The following ZPBP variants were observed in gnomAD, a reference collection of about 807,000 sequenced individuals.
ZPBP encodes zona pellucida-binding protein 1.
In ZPBP, 26 loss-of-function variants were observed where a neutral mutation model predicts 44.8. That is an observed-to-expected ratio of 0.58 (90% CI 0.43 to 0.81). ZPBP has a LOEUF of 0.81. ZPBP is among the 30% of genes least tolerant of loss of function. The pLI is 0.00. For synonymous variants in ZPBP, 174 were observed against 153.2 expected, an observed-to-expected ratio of 1.14 and a Z score of -1.00; for missense variants, 409 against 434.0, an observed-to-expected ratio of 0.94 and a Z score of 0.51.
chr7:49,898,373 T>G (rs748082061), intron 2 of ZPBP, among the ~76,000 whole-genome samples: 27 of 152,080 alleles, frequency 1.8e-4, no homozygotes, highest in Non-Finnish European at 2.9e-4. Flanking sequence ...TTTCTTTATT[T>G]AGATATGGGT....
intron 2 of ZPBP, among the ~76,000 whole-genome samples, chr7:49,855,161 A>C (rs1790363266): frequency 1.3e-5 from 2 of 152,232 alleles, no homozygotes; most frequent in African/African-American, 4.8e-5. Context: ...CTTAATAGTT[A>C]ATGCAATTAT....
At chr7:49,987,454 A>G (rs531170960) in intron 6 of ZPBP, among the ~76,000 whole-genome samples, 17 of 152,304 alleles carry the variant, frequency 1.1e-4, no homozygotes, top group Admixed American at 8.5e-4. Flanking sequence ...AAAAACAGAA[A>G]AGGTGCCACA....
At chr7:49,918,156 G>A (rs1353141620) in intron 1 of ZPBP, 2 of 152,140 alleles carry the variant, frequency 1.3e-5, no homozygotes, top group African/African-American at 4.8e-5. Flanking sequence ...CTCCCAAATT[G>A]TGGGTAATGC....
At chr7:49,899,640 C>T (rs942343186) in intron 2 of ZPBP, among the ~76,000 whole-genome samples, 1 of 152,048 alleles carries the variant, frequency 6.6e-6, no homozygotes, top group African/African-American at 2.4e-5. Flanking sequence ...CTTCAATATG[C>T]ATTTGCCTGA....
chr7:49,863,115 GT>G (rs1377702951), intron 2 of ZPBP, among the ~76,000 whole-genome samples: 2 of 152,108 alleles, frequency 1.3e-5, no homozygotes, highest in Non-Finnish European at 2.9e-5. Context: ...TTGTTGGGAG[GT>G]TTTGGATTAC....
At chr7:49,912,003 A>G in intron 1 of ZPBP, 2 of 1,602,330 alleles carry the variant, frequency 1.2e-6, no homozygotes, top group Non-Finnish European at 1.7e-6. Context: ...TTATGCACAC[A>G]TATAGTATAA....
At chr7:49,919,317 A>C (rs548787374) in intron 1 of ZPBP, 1 of 152,292 alleles carries the variant, frequency 6.6e-6, no homozygotes, top group South Asian at 2.1e-4. Flanking sequence ...AGATATCCTT[A>C]AACTAATAAA....
intron 3 of ZPBP, among the ~76,000 whole-genome samples, chr7:50,067,145 T>C (rs1341712997): frequency 1.3e-5 from 2 of 152,190 alleles, no homozygotes; most frequent in Non-Finnish European, 2.9e-5. Flanking sequence ...TACCTAACCA[T>C]GCATCTTTTG....
intron 2 of ZPBP, among the ~76,000 whole-genome samples, chr7:49,868,916 G>T (rs1334395790): frequency 2.0e-5 from 3 of 152,232 alleles, no homozygotes; most frequent in Non-Finnish European, 4.4e-5. Context: ...ACTGCACCTG[G>T]CCTGGGAGAT....
Position 50,081,839 on chromosome 7 carries a change from A to T in ZPBP, c.269T>A (p.Leu90Gln). ...SPHVLCVTQQ[L>Q]RNAELIDPSF... is the part of the protein sequence containing the mutation. ...TGGGTCTATCAGTTCAGCATTTCGCAGTTGTTGCGTTACACATAACACGTG... is the reference window on the plus strand; with the variant it reads ...TGGGTCTATCAGTTCAGCATTTCGCTGTTGTTGCGTTACACATAACACGTG... Residue 90 changes from leucine (L) to glutamine (Q), a missense_variant, in exon 3 of 8, where the codon CTG (leucine) becomes CAG (glutamine). Coordinates refer to ENST00000046087, the MANE Select transcript of ZPBP (RefSeq NM_007009.3). 6.2e-7 allele frequency: 1 copy of T among 1,611,614 alleles called. No individual in the cohort carries two copies.
At chr7:49,840,793 C>T in the ZPBP span, among the ~76,000 whole-genome samples, 257 of 152,194 alleles carry the variant, frequency 1.7e-3, no homozygotes, top group African/African-American at 6.1e-3. Context: ...TTAGTTTCCC[C>T]GTATTTCAGG....
intron 2 of ZPBP, among the ~76,000 whole-genome samples, chr7:49,899,413 A>G (rs1792584071): frequency 6.6e-6 from 1 of 152,066 alleles, no homozygotes; most frequent in Admixed American, 6.5e-5. Context: ...GGGTAACTGA[A>G]ACCATGGAAA....
downstream of ZPBP, among the ~76,000 whole-genome samples, chr7:49,935,313 T>A (rs550724194): frequency 1.3e-5 from 2 of 152,260 alleles, no homozygotes; most frequent in South Asian, 4.1e-4. Flanking sequence ...GAAGAACATT[T>A]TACTATGAGA....
At chr7:49,912,835 T>C (rs1477783644) in intron 1 of ZPBP, 1 of 152,270 alleles carries the variant, frequency 6.6e-6, no homozygotes, top group East Asian at 1.9e-4. Context: ...TTCTCAGTTC[T>C]TTCCCCTAAG....
Position 50,030,585 on chromosome 7 carries a change from C to T in ZPBP, c.706+507G>A, listed in dbSNP as rs145061367. On this transcript the variant is annotated intron_variant, in intron 5 of 7. Transcript: ENST00000046087. Reference sequence around the variant, plus strand: ...AGGGGAAGGGTGCCCTACTGTCACTCGGACCCCTTAAAAACACATGCGTGG... The same window carrying T: ...AGGGGAAGGGTGCCCTACTGTCACTTGGACCCCTTAAAAACACATGCGTGG... 4.5e-3 allele frequency among the ~76,000 whole-genome samples: 685 copies of T among 151,970 alleles called. 3 individuals are homozygous for T. The highest frequency in any genetic ancestry group is 0.016 in the African/African-American group (666 of 41,480).
At chr7:49,926,795 GGAT>G (rs1211982080) in intron 1 of ZPBP, among the ~76,000 whole-genome samples, 13 of 152,224 alleles carry the variant, frequency 8.5e-5, no homozygotes, top group African/African-American at 3.1e-4. Flanking sequence ...GAGATCCTCT[GGAT>G]AATAATGCAG....
chr7:49,944,415 G>T, intron 7 of ZPBP: 1 of 181,822 alleles, frequency 5.5e-6, no homozygotes. Context: ...ATGATGCACT[G>T]TCCTTTTGTA....
intron 2 of ZPBP, among the ~76,000 whole-genome samples, chr7:49,898,234 C>T (rs1026078430): frequency 6.6e-6 from 1 of 151,722 alleles, no homozygotes; most frequent in Non-Finnish European, 1.5e-5. Flanking sequence ...CACACACAAA[C>T]ACACAGATAT....
At chr7:50,076,761 G>C (rs1802105732) in intron 3 of ZPBP, among the ~76,000 whole-genome samples, 1 of 148,962 alleles carries the variant, frequency 6.7e-6, no homozygotes, top group Non-Finnish European at 1.5e-5. Context: ...ATCCAAAGAT[G>C]AAAAAAAAAA....
Sources: gnomAD v4.1 joint callset for allele counts (sites outside exome capture counted in the v4.1 genomes callset) on GRCh38, gnomAD v4.1.1 for gene constraint, MANE v1.5 for transcripts, NCBI Gene and HGNC (gene_info 2026-07-23, HGNC 2026-07-21) for gene names.